MIS18A: variants seen among roughly 807,000 people sequenced by gnomAD.
MIS18A encodes the protein protein Mis18-alpha.
Under a neutral mutation model 25.0 loss-of-function variants are expected in MIS18A, and 14 were observed. The observed-to-expected ratio is 0.56, with a 90% CI of 0.37 to 0.88. The LOEUF (loss-of-function observed/expected upper bound fraction) is 0.88, where lower values mean the gene tolerates loss of function less well. Among genes scored for constraint, MIS18A ranks in the 40% least tolerant of loss-of-function variants. The pLI is 0.00. For synonymous variants in MIS18A, 134 were observed against 118.6 expected, an observed-to-expected ratio of 1.13 and a Z score of -0.84; for missense variants, 292 against 290.8, an observed-to-expected ratio of 1.00 and a Z score of -0.03.
chr21:32,183,232 T>A, the MIS18A span, among the ~76,000 whole-genome samples: 2 of 152,192 alleles, frequency 1.3e-5, no homozygotes, highest in African/African-American at 4.8e-5. Context: ...CACGGACTTC[T>A]GCTATTAACA....
the MIS18A span, among the ~76,000 whole-genome samples, chr21:32,251,576 G>A: frequency 6.6e-6 from 1 of 152,128 alleles, no homozygotes; most frequent in Admixed American, 6.6e-5. Flanking sequence ...AACCCTGTCA[G>A]CCCCCAAAGA....
the MIS18A span, among the ~76,000 whole-genome samples, chr21:32,221,163 C>T: frequency 2.4e-3 from 361 of 152,020 alleles, 2 homozygotes; most frequent in African/African-American, 8.2e-3. Flanking sequence ...AAGAGCAACC[C>T]GAAGACACAT....
At chr21:32,275,359 C>T (rs999299600) in intron 1 of MIS18A, among the ~76,000 whole-genome samples, 89 of 152,294 alleles carry the variant, frequency 5.8e-4, no homozygotes, top group African/African-American at 2.0e-3. Flanking sequence ...CCTCAAATCA[C>T]ACACTGCAAA....
the MIS18A span, among the ~76,000 whole-genome samples, chr21:32,180,957 T>TA: frequency 0.59 from 89,959 of 151,732 alleles, 27,456 homozygotes; most frequent in African/African-American, 0.74. Flanking sequence ...TGGTTAATTT[T>TA]TGGGTCAACT....
chr21:32,245,109 A>G, the MIS18A span, among the ~76,000 whole-genome samples: 3 of 152,220 alleles, frequency 2.0e-5, no homozygotes, highest in Admixed American at 6.5e-5. Context: ...TGATTAATTG[A>G]TCATTGACTT....
chr21:32,169,545 T>C, the MIS18A span, among the ~76,000 whole-genome samples: 4 of 152,088 alleles, frequency 2.6e-5, no homozygotes, highest in African/African-American at 9.7e-5. Context: ...GGCTAGGATT[T>C]CATGCATGCC....
chr21:32,162,117 G>A, the MIS18A span, among the ~76,000 whole-genome samples: 1 of 152,128 alleles, frequency 6.6e-6, no homozygotes, highest in African/African-American at 2.4e-5. Flanking sequence ...GGTCACATGT[G>A]AAAAAGTGGC....
the MIS18A span, among the ~76,000 whole-genome samples, chr21:32,185,523 C>T: frequency 1.3e-5 from 2 of 152,160 alleles, no homozygotes; most frequent in African/African-American, 4.8e-5. Flanking sequence ...CAATATCAGA[C>T]TTCTCAGTAA....
At chr21:32,272,571 T>C (rs2031733182) in intron 2 of MIS18A, among the ~76,000 whole-genome samples, 1 of 152,244 alleles carries the variant, frequency 6.6e-6, no homozygotes, top group Admixed American at 6.5e-5. Flanking sequence ...GTCGCAAATC[T>C]TTTAATAGTA....
the MIS18A span, among the ~76,000 whole-genome samples, chr21:32,163,010 A>G: frequency 0.28 from 42,039 of 152,094 alleles, 6,344 homozygotes; most frequent in Non-Finnish European, 0.32. Context: ...CTCTTCTGTC[A>G]TTTCGCAAAG....
chr21:32,174,095 G>C, the MIS18A span, among the ~76,000 whole-genome samples: 6 of 150,516 alleles, frequency 4.0e-5, no homozygotes, highest in African/African-American at 1.5e-4. Context: ...CTCCAGAGTA[G>C]CTGGGACTAC....
At chr21:32,236,725 T>A in the MIS18A span, among the ~76,000 whole-genome samples, 1 of 152,140 alleles carries the variant, frequency 6.6e-6, no homozygotes, top group Non-Finnish European at 1.5e-5. Context: ...TCACACATCA[T>A]CTTAAGGCTA....
At chr21:32,265,545 G>T (rs544790551), downstream of MIS18A, among the ~76,000 whole-genome samples, 1 of 152,214 alleles carries the variant, frequency 6.6e-6, no homozygotes, top group East Asian at 1.9e-4. Context: ...TGGATTTCTC[G>T]CCAGGCCTTA....
At chr21:32,165,520 A>C in the MIS18A span, among the ~76,000 whole-genome samples, 1,744 of 152,158 alleles carry the variant, frequency 0.011, 18 homozygotes, top group Non-Finnish European at 0.016. Context: ...TCTGTAAAGA[A>C]AGGCACTTTC....
the MIS18A span, among the ~76,000 whole-genome samples, chr21:32,175,809 C>CAA: frequency 0.037 from 5,622 of 150,746 alleles, 387 homozygotes; most frequent in African/African-American, 0.13. Context: ...GACTCCATCT[C>CAA]AAAAAAAACA....
the MIS18A span, among the ~76,000 whole-genome samples, chr21:32,205,535 T>G: frequency 1.3e-5 from 2 of 152,136 alleles, no homozygotes; most frequent in African/African-American, 2.4e-5. Flanking sequence ...CCTCACCATT[T>G]GAATAAAATC....
At chr21:32,165,990 C>A in the MIS18A span, among the ~76,000 whole-genome samples, 1 of 152,092 alleles carries the variant, frequency 6.6e-6, no homozygotes, top group Non-Finnish European at 1.5e-5. Flanking sequence ...ATATTAAAAC[C>A]CCATCTTGGT....
chr21:32,194,601 G>A, the MIS18A span, among the ~76,000 whole-genome samples: 6 of 152,006 alleles, frequency 3.9e-5, no homozygotes, highest in Non-Finnish European at 7.4e-5. Context: ...AGAGGTTTCG[G>A]TGAGCCAAGA....
the MIS18A span, among the ~76,000 whole-genome samples, chr21:32,169,955 C>CA: frequency 1.3e-5 from 2 of 151,794 alleles, no homozygotes; most frequent in Non-Finnish European, 2.9e-5. Context: ...CCAGTATTCA[C>CA]AAAAAAGTAT....
Sources: gnomAD v4.1 joint callset for allele counts (sites outside exome capture counted in the v4.1 genomes callset) on GRCh38, gnomAD v4.1.1 for gene constraint, MANE v1.5 for transcripts, NCBI Gene and HGNC (gene_info 2026-07-23, HGNC 2026-07-21) for gene names.